The following CALN1 variants were observed in gnomAD, a reference collection of about 807,000 sequenced individuals.
The protein encoded by CALN1 is calcium-binding protein 8.
In CALN1, 17 loss-of-function variants were observed where a neutral mutation model predicts 30.6. The observed-to-expected ratio is 0.56, with a 90% CI of 0.38 to 0.83. CALN1 has a LOEUF of 0.83. Among genes scored for constraint, CALN1 ranks in the 40% least tolerant of loss-of-function variants. The pLI is 0.00. For synonymous variants in CALN1, 156 were observed against 131.4 expected (o/e 1.19, Z -1.28); for missense variants, 291 against 354.9 (o/e 0.82, Z 1.45).
intron 1 of CALN1, among the ~76,000 whole-genome samples, chr7:72,445,342 A>C (rs1257495148): frequency 3.3e-5 from 5 of 151,948 alleles, no homozygotes; most frequent in Admixed American, 3.3e-4. Flanking sequence ...AGCTCAAGGA[A>C]CTCACCCGGC....
chr7:72,391,416 A>T (rs1468818986), intron 2 of CALN1, among the ~76,000 whole-genome samples: 4 of 152,194 alleles, frequency 2.6e-5, no homozygotes, highest in African/African-American at 9.7e-5. Context: ...ACCCAGCAAG[A>T]CACCAGAAGA....
At chr7:72,325,805 T>C (rs185450413) in intron 2 of CALN1, among the ~76,000 whole-genome samples, 3 of 152,126 alleles carry the variant, frequency 2.0e-5, no homozygotes, top group Non-Finnish European at 2.9e-5. Flanking sequence ...AGGGAACGGA[T>C]TGATGGCAAC....
At chr7:71,835,376 C>A (rs115010147) in intron 5 of CALN1, among the ~76,000 whole-genome samples, 4 of 152,166 alleles carry the variant, frequency 2.6e-5, no homozygotes, top group African/African-American at 9.7e-5. Context: ...GGAAACATGG[C>A]GGCACGGGGT....
chr7:71,782,270 C>T lies in CALN1; in HGVS notation c.*5505G>A, dbSNP rs900757144. On this transcript the variant is annotated 3_prime_UTR_variant, in exon 7 of 7. Transcript: ENST00000395275. The stretch of plus-strand genomic sequence containing the variant: ...CCCTGTAGTAATGAGTGAATTCTTA[C>T]TTTATTAGTTCATGCAATTGCGGGT... 6.6e-6 allele frequency: 1 copy of T among 152,166 alleles called. No homozygotes were observed. The highest frequency in any genetic ancestry group is 2.4e-5 in the African/African-American group (1 of 41,436). 9.4% of individuals were successfully genotyped at this position (152,166 alleles called of 1,614,324 possible).
chr7:71,803,949 CGTGT>C (rs56094367), intron 6 of CALN1, among the ~76,000 whole-genome samples: 41,253 of 148,874 alleles, frequency 0.28, 7,716 homozygotes, highest in East Asian at 0.9. Context: ...TATGTGTGTG[CGTGT>C]GTGTGTGTGT....
chr7:71,999,717 C>A (rs529044300), intron 5 of CALN1, among the ~76,000 whole-genome samples: 1 of 151,992 alleles, frequency 6.6e-6, no homozygotes, highest in Non-Finnish European at 1.5e-5. Context: ...GTTTTGCCGT[C>A]GGCCAGGCTG....
intron 6 of CALN1, among the ~76,000 whole-genome samples, chr7:71,791,934 CCGGGAGGCA>C (rs1786586576): frequency 6.6e-6 from 1 of 152,028 alleles, no homozygotes; most frequent in African/African-American, 2.4e-5. Flanking sequence ...TGGTGTGAAC[CCGGGAGGCA>C]GAGCTTGCAG....
intron 6 of CALN1, among the ~76,000 whole-genome samples, chr7:71,806,629 T>C: frequency 6.6e-6 from 1 of 152,168 alleles, no homozygotes. Flanking sequence ...TTGATAACAA[T>C]TTGAACAGTA....
chr7:72,304,263 G>C (rs993308563), intron 2 of CALN1, among the ~76,000 whole-genome samples: 1 of 152,232 alleles, frequency 6.6e-6, no homozygotes. Context: ...GATGGGAAAG[G>C]GGAAAGACTC....
chr7:72,405,513 G>A (rs889351001), intron 1 of CALN1, among the ~76,000 whole-genome samples: 15 of 151,936 alleles, frequency 9.9e-5, no homozygotes, highest in African/African-American at 3.4e-4. Flanking sequence ...TGGCTCCCAC[G>A]CAACTTCACA....
At chr7:72,183,686 G>C (rs927228412) in intron 3 of CALN1, among the ~76,000 whole-genome samples, 1 of 152,196 alleles carries the variant, frequency 6.6e-6, no homozygotes, top group Admixed American at 6.5e-5. Flanking sequence ...AGTTGCAAAA[G>C]ACATCTTGGA....
At chr7:72,224,166 C>T (rs1793507343) in intron 3 of CALN1, among the ~76,000 whole-genome samples, 1 of 151,856 alleles carries the variant, frequency 6.6e-6, no homozygotes, top group Non-Finnish European at 1.5e-5. Flanking sequence ...ATATGTACCC[C>T]CTTGAATCTA....
chr7:72,009,670 A>G (rs556654545), intron 5 of CALN1, among the ~76,000 whole-genome samples: 66 of 152,302 alleles, frequency 4.3e-4, no homozygotes, highest in Admixed American at 4.1e-3. Context: ...GAGATCATTG[A>G]ATCATAGGGG....
intron 5 of CALN1, among the ~76,000 whole-genome samples, chr7:71,961,779 C>T (rs1004562438): frequency 6.6e-6 from 1 of 152,084 alleles, no homozygotes; most frequent in African/African-American, 2.4e-5. Flanking sequence ...TCAAGGGCAG[C>T]AGAAGAGAGA....
intron 5 of CALN1, among the ~76,000 whole-genome samples, chr7:71,842,158 C>T (rs1288134070): frequency 6.6e-6 from 1 of 152,144 alleles, no homozygotes; most frequent in Non-Finnish European, 1.5e-5. Context: ...CACGTGTCTG[C>T]CTCTGTCCTA....
intron 1 of CALN1, among the ~76,000 whole-genome samples, chr7:72,419,452 A>T (rs377229200): frequency 6.6e-6 from 1 of 152,116 alleles, no homozygotes; most frequent in Non-Finnish European, 1.5e-5. Flanking sequence ...GGATTGGCTC[A>T]GGTAATCCCC....
At chr7:72,224,647 G>A (rs141441817) in intron 3 of CALN1, among the ~76,000 whole-genome samples, 1,840 of 152,132 alleles carry the variant, frequency 0.012, 32 homozygotes, top group African/African-American at 0.042. Context: ...TGGGAGTGGT[G>A]GCCAGTGCCT....
chr7:72,383,303 GAC>G (rs1424580776), intron 2 of CALN1, among the ~76,000 whole-genome samples: 1 of 152,196 alleles, frequency 6.6e-6, no homozygotes, highest in East Asian at 1.9e-4. Context: ...GGGGTGAAAG[GAC>G]ACTTCTGCTT....
chr7:72,173,788 C>T (rs565694976), intron 3 of CALN1, among the ~76,000 whole-genome samples: 2 of 151,878 alleles, frequency 1.3e-5, no homozygotes, highest in East Asian at 3.9e-4. Context: ...TAAAAATGAA[C>T]TCAAAATTGA....
Sources: allele counts gnomAD v4.1 joint callset (sites outside exome capture counted in the v4.1 genomes callset), GRCh38; gene constraint gnomAD v4.1.1; transcripts MANE v1.5; gene names NCBI Gene and HGNC (gene_info 2026-07-23, HGNC 2026-07-21).